The following C8orf34 variants were observed in gnomAD, a reference collection of about 807,000 sequenced individuals.
The protein encoded by C8orf34 is uncharacterized protein C8orf34.
In C8orf34, 65 loss-of-function variants were observed where a neutral mutation model predicts 68.3. The ratio of observed to expected loss-of-function variants is 0.95; its 90% CI spans 0.78 to 1.17. C8orf34 has a LOEUF of 1.17. Ranked by LOEUF, C8orf34 falls within the 50% of genes most tolerant of loss-of-function variation. The probability of loss-of-function intolerance (pLI) is 0.00; values close to 1 mark genes in which losing one functional copy is unlikely to be tolerated. For synonymous variants in C8orf34, 244 were observed against 241.2 expected (o/e 1.01, Z -0.11); for missense variants, 664 against 655.4 (o/e 1.01, Z -0.14).
At chr8:68,675,628 A>T (rs2130858345) in intron 8 of C8orf34, among the ~76,000 whole-genome samples, 1 of 152,232 alleles carries the variant, frequency 6.6e-6, no homozygotes, top group East Asian at 1.9e-4. Context: ...ACCAGAGAAA[A>T]TCACCTTCAC....
intron 12 of C8orf34, among the ~76,000 whole-genome samples, chr8:68,812,781 T>C (rs1040415748): frequency 6.6e-6 from 1 of 152,204 alleles, no homozygotes; most frequent in Non-Finnish European, 1.5e-5. Flanking sequence ...TACGTAACTT[T>C]TAAAGATCAC....
At chr8:68,513,847 G>A (rs1200172726) in intron 5 of C8orf34, among the ~76,000 whole-genome samples, 2 of 152,066 alleles carry the variant, frequency 1.3e-5, no homozygotes, top group South Asian at 2.1e-4. Context: ...GCTGCTTGCC[G>A]GTCTGTCCCA....
At chr8:68,331,707 C>G (rs76210129) in intron 1 of C8orf34, among the ~76,000 whole-genome samples, 14 of 149,032 alleles carry the variant, frequency 9.4e-5, no homozygotes, top group African/African-American at 3.4e-4. Flanking sequence ...GTTGCACACG[C>G]ACACTTTCTT....
chr8:68,799,868 T>C (rs1030745846), intron 12 of C8orf34, among the ~76,000 whole-genome samples: 1 of 152,064 alleles, frequency 6.6e-6, no homozygotes, highest in African/African-American at 2.4e-5. Flanking sequence ...AGGCAAATGG[T>C]GTTTGAACTG....
intron 7 of C8orf34, among the ~76,000 whole-genome samples, chr8:68,617,460 G>A (rs1818258377): frequency 6.6e-6 from 1 of 152,170 alleles, no homozygotes; most frequent in Non-Finnish European, 1.5e-5. Flanking sequence ...TCCTTCAGGA[G>A]CTCTTGTAGG....
Position 68,408,306 on chromosome 8 carries a change from A to T in C8orf34, c.328-31193A>T, listed in dbSNP as rs1200615436. 3.3e-5 allele frequency among the ~76,000 whole-genome samples: 5 copies of T among 151,774 alleles called. No individual in the cohort carries two copies. The South Asian group carries it at 1.0e-3, about 32-fold the overall frequency. On this transcript the variant is annotated intron_variant, in intron 1 of 13. Transcript: ENST00000518698. ...GTTCAGCTATATTATGATGGGTTGTATAATTATTGTATTATATATTATAAT... is the reference window on the plus strand; with the variant it reads ...GTTCAGCTATATTATGATGGGTTGTTTAATTATTGTATTATATATTATAAT...
intron 1 of C8orf34, among the ~76,000 whole-genome samples, chr8:68,407,042 T>G (rs1036393267): frequency 2.0e-5 from 3 of 152,152 alleles, no homozygotes; most frequent in East Asian, 3.9e-4. Flanking sequence ...GCCTCAGCTT[T>G]GCAACTATGG....
At chr8:68,524,971 A>G (rs1814914437) in intron 6 of C8orf34, among the ~76,000 whole-genome samples, 1 of 152,142 alleles carries the variant, frequency 6.6e-6, no homozygotes, top group African/African-American at 2.4e-5. Flanking sequence ...GATCTGGTGA[A>G]TTGGCTTTCT....
At chr8:68,617,785 G>A (rs1818270627) in intron 7 of C8orf34, among the ~76,000 whole-genome samples, 2 of 152,154 alleles carry the variant, frequency 1.3e-5, no homozygotes, top group African/African-American at 2.4e-5. Context: ...TTCTCGAGGA[G>A]TATCTTTGTG....
chr8:68,383,891 T>C, intron 1 of C8orf34, among the ~76,000 whole-genome samples: 1 of 152,200 alleles, frequency 6.6e-6, no homozygotes, highest in Non-Finnish European at 1.5e-5. Context: ...TTAAGCAGTC[T>C]AAATGAGACA....
intron 1 of C8orf34, among the ~76,000 whole-genome samples, chr8:68,343,246 T>G (rs1295081562): frequency 3.3e-5 from 5 of 152,036 alleles, no homozygotes; most frequent in African/African-American, 1.2e-4. Flanking sequence ...GAAATACAAA[T>G]TAAAACCACA....
At chr8:68,665,260 T>G (rs746359999) in intron 8 of C8orf34, among the ~76,000 whole-genome samples, 2 of 152,228 alleles carry the variant, frequency 1.3e-5, no homozygotes, top group Admixed American at 6.5e-5. Flanking sequence ...CTTTAAATTG[T>G]GTATACAGGC....
intron 9 of C8orf34, among the ~76,000 whole-genome samples, chr8:68,713,654 T>G (rs1208615186): frequency 3.3e-5 from 5 of 151,970 alleles, no homozygotes; most frequent in Non-Finnish European, 4.4e-5. Flanking sequence ...GAGATTGAAA[T>G]AGTAATAAAA....
intron 1 of C8orf34, among the ~76,000 whole-genome samples, chr8:68,400,868 T>G (rs1166931215): frequency 6.6e-6 from 1 of 152,202 alleles, no homozygotes. Flanking sequence ...TTTTTGATTC[T>G]ATGTGAATTT....
intron 1 of C8orf34, among the ~76,000 whole-genome samples, chr8:68,409,091 C>A (rs1175279696): frequency 1.3e-5 from 2 of 152,274 alleles, no homozygotes; most frequent in East Asian, 1.9e-4. Context: ...CCGGCCTGAG[C>A]TGCCAGTCTT....
chr8:68,791,305 C>T (rs766131861), intron 12 of C8orf34: 10 of 200,488 alleles, frequency 5.0e-5, no homozygotes, highest in Non-Finnish European at 8.0e-5. Context: ...CATCAGCTCT[C>T]GTGAGAACTC....
At chr8:68,389,049 A>G (rs527255449) in intron 1 of C8orf34, among the ~76,000 whole-genome samples, 1 of 152,318 alleles carries the variant, frequency 6.6e-6, no homozygotes, top group East Asian at 1.9e-4. Context: ...GGAAGTATTC[A>G]GTGAATTGAA....
At chr8:68,637,825 T>G (rs1238523111) in intron 7 of C8orf34, among the ~76,000 whole-genome samples, 2 of 152,158 alleles carry the variant, frequency 1.3e-5, no homozygotes, top group African/African-American at 4.8e-5. Context: ...GTGGTCTCAT[T>G]TGATGAGACC....
At chr8:68,653,039 C>T (rs1275100095) in intron 8 of C8orf34, among the ~76,000 whole-genome samples, 1 of 152,072 alleles carries the variant, frequency 6.6e-6, no homozygotes, top group Non-Finnish European at 1.5e-5. Context: ...TCTTTTTCTA[C>T]TAAAGATCTT....
Sources: allele counts gnomAD v4.1 joint callset (sites outside exome capture counted in the v4.1 genomes callset), GRCh38; gene constraint gnomAD v4.1.1; transcripts MANE v1.5; gene names NCBI Gene and HGNC (gene_info 2026-07-23, HGNC 2026-07-21).